The following ATG10 variants were observed in gnomAD, a reference collection of about 807,000 sequenced individuals.
The protein encoded by ATG10 is ubiquitin-like-conjugating enzyme ATG10.
A neutral mutation model predicts 32.1 loss-of-function variants in ATG10; 30 were observed. The observed-to-expected ratio is 0.94, with a 90% CI of 0.70 to 1.27. The LOEUF is 1.27. ATG10 is among the 50% of genes most tolerant of loss of function. The probability of loss-of-function intolerance (pLI) is 0.00; values close to 1 mark genes in which losing one functional copy is unlikely to be tolerated. For synonymous variants in ATG10, 87 were observed against 91.5 expected (o/e 0.95, Z 0.28); for missense variants, 233 against 262.3 (o/e 0.89, Z 0.77).
chr5:82,129,364 A>G (rs1486073206), intron 3 of ATG10, among the ~76,000 whole-genome samples: 2 of 151,862 alleles, frequency 1.3e-5, no homozygotes, highest in Non-Finnish European at 2.9e-5. Flanking sequence ...AACTCATTCC[A>G]TGTCCAGTTA....
chr5:82,237,612 C>T (rs564449004), intron 5 of ATG10, among the ~76,000 whole-genome samples: 11 of 151,434 alleles, frequency 7.3e-5, no homozygotes, highest in South Asian at 2.1e-4. Flanking sequence ...CATTGCACTC[C>T]GGCCTGGATG....
intron 1 of ATG10, among the ~76,000 whole-genome samples, chr5:81,977,324 A>G (rs1231722004): frequency 6.6e-6 from 1 of 152,198 alleles, no homozygotes; most frequent in South Asian, 2.1e-4. Context: ...CCTACTTCCC[A>G]GTATTTCTCA....
chr5:82,001,086 G>GAGCTC (rs1290764785), intron 2 of ATG10, among the ~76,000 whole-genome samples: 2 of 152,154 alleles, frequency 1.3e-5, no homozygotes, highest in Non-Finnish European at 2.9e-5. Flanking sequence ...GGAGGTAAAT[G>GAGCTC]AGCTCTACCA....
chr5:82,055,304 T>TA (rs1286230530), intron 2 of ATG10, among the ~76,000 whole-genome samples: 1 of 151,990 alleles, frequency 6.6e-6, no homozygotes, highest in Non-Finnish European at 1.5e-5. Flanking sequence ...GTATCGATAA[T>TA]AAAAAAATGG....
intron 3 of ATG10, among the ~76,000 whole-genome samples, chr5:82,077,215 C>G (rs891986337): frequency 2.0e-5 from 3 of 152,002 alleles, no homozygotes; most frequent in African/African-American, 7.2e-5. Flanking sequence ...CCCAGCTACA[C>G]GAGAGGCTGA....
Position 82,253,349 on chromosome 5 carries a change from T to C in ATG10, c.587T>C (p.Val196Ala), listed in dbSNP as rs145758508. ...TATATCACATCATGGCTGAGCATTGTAGGGCCAGTTGTTGGGCTGAATCTA... is the reference window on the plus strand; with the variant it reads ...TATATCACATCATGGCTGAGCATTGCAGGGCCAGTTGTTGGGCTGAATCTA... Reference protein sequence around the residue: ...VNYITSWLSIVGPVVGLNLPL... With the variant: ...VNYITSWLSIAGPVVGLNLPL... Residue 196 changes from valine (V) to alanine (A), a missense_variant, in exon 7 of 8, where the codon GTA becomes GCA. Coordinates refer to ENST00000282185, the MANE Select transcript of ATG10 (RefSeq NM_031482.5). 3.1e-6 allele frequency: 5 copies of C among 1,613,392 alleles called. No individual in the cohort carries two copies. Among genetic ancestry groups the C allele is most frequent in the Non-Finnish European group, 3.4e-6 (4 of 1,179,262 alleles).
intron 3 of ATG10, among the ~76,000 whole-genome samples, chr5:82,085,645 AAAAG>A (rs1055599742): frequency 1.5e-4 from 23 of 152,138 alleles, no homozygotes; most frequent in Admixed American, 1.5e-3. Context: ...TAACAAAAAA[AAAAG>A]AAAATTAAAA....
intron 3 of ATG10, among the ~76,000 whole-genome samples, chr5:82,148,388 C>G (rs2149876583): frequency 6.6e-6 from 1 of 152,246 alleles, no homozygotes; most frequent in South Asian, 2.1e-4. Context: ...ACTTCTGTCT[C>G]AGGAGAAGCA....
intron 2 of ATG10, among the ~76,000 whole-genome samples, chr5:82,000,519 G>T (rs764226495): frequency 6.6e-6 from 1 of 152,172 alleles, no homozygotes; most frequent in Non-Finnish European, 1.5e-5. Context: ...AAGAGAGGAA[G>T]TTGAACTATT....
In ATG10 at chr5:82,144,135, T is replaced by C. The variant is rs1767254898; in HGVS notation, c.217-20264T>C. Among the ~76,000 whole-genome samples, 4 of 152,254 alleles carry C rather than the reference T, an allele frequency of 2.6e-5. No individual in the cohort carries two copies. The South Asian group carries it at 8.3e-4, about 32-fold the overall frequency. On this transcript the variant is annotated intron_variant, in intron 3 of 7. Transcript: ENST00000282185. ...GTGTACATTATTTATAATGTTTTCT[T>C]ATTATCCTTTTAGTGTTTATAGCAT...
At position 82,249,268 on chromosome 5, in the gene ATG10, A is replaced by G. The variant is rs930451260; in HGVS notation, c.454-3294A>G. 5.6e-4 allele frequency among the ~76,000 whole-genome samples: 85 copies of G among 152,198 alleles called. 1 individual carries two copies. Among genetic ancestry groups the G allele is most frequent in the African/African-American group, 2.0e-3 (82 of 41,470 alleles). Reference sequence around the variant, plus strand: ...ATATAGTGATAGTTCTAGTTGCCATATAGACCTAGACCTTTTACTAATTCA... The same window carrying G: ...ATATAGTGATAGTTCTAGTTGCCATGTAGACCTAGACCTTTTACTAATTCA... On this transcript the variant is annotated intron_variant, in intron 5 of 7. Transcript: ENST00000282185.
intron 3 of ATG10, 152 bp downstream of exon 3, chr5:82,058,754 T>A: frequency 1.9e-6 from 1 of 526,902 alleles, no homozygotes; most frequent in Non-Finnish European, 3.3e-6. Flanking sequence ...TTCTGTTAAG[T>A]AAATATTTTA....
At chr5:82,101,229 G>A (rs1408091895) in intron 3 of ATG10, among the ~76,000 whole-genome samples, 2 of 152,084 alleles carry the variant, frequency 1.3e-5, no homozygotes, top group African/African-American at 4.8e-5. Flanking sequence ...AAGTCACTGA[G>A]TACTCCGACT....
intron 3 of ATG10, among the ~76,000 whole-genome samples, chr5:82,125,591 T>C (rs1247485300): frequency 1.3e-5 from 2 of 152,138 alleles, no homozygotes; most frequent in Admixed American, 6.5e-5. Context: ...TGTAGATGTG[T>C]GGTGTTATTT....
chr5:82,249,808 A>T (rs1353033718), intron 5 of ATG10, among the ~76,000 whole-genome samples: 4 of 152,252 alleles, frequency 2.6e-5, no homozygotes, highest in Non-Finnish European at 1.5e-5. Flanking sequence ...ACAAAGCAGC[A>T]TCAAATGAGC....
chr5:81,979,324 G>T (rs1033502062), intron 1 of ATG10, among the ~76,000 whole-genome samples: 6 of 152,122 alleles, frequency 3.9e-5, no homozygotes, highest in Non-Finnish European at 7.4e-5. Context: ...TCAGGAGATC[G>T]AGACCATCCT....
At chr5:82,200,208 C>T (rs1485186166) in intron 5 of ATG10, among the ~76,000 whole-genome samples, 1 of 151,974 alleles carries the variant, frequency 6.6e-6, no homozygotes, top group African/African-American at 2.4e-5. Flanking sequence ...GACTATTTTG[C>T]AAAGCATTGG....
chr5:82,144,781 C>T (rs1767280923), intron 3 of ATG10, among the ~76,000 whole-genome samples: 1 of 152,002 alleles, frequency 6.6e-6, no homozygotes, highest in Non-Finnish European at 1.5e-5. Flanking sequence ...TAATATTCTA[C>T]AGTTTTGGAG....
chr5:82,180,835 G>T (rs1053589274), intron 5 of ATG10, among the ~76,000 whole-genome samples: 1 of 151,952 alleles, frequency 6.6e-6, no homozygotes, highest in African/African-American at 2.4e-5. Flanking sequence ...CCTGTATATA[G>T]CACAATTTCT....
Sources: gnomAD v4.1 joint callset for allele counts (sites outside exome capture counted in the v4.1 genomes callset) on GRCh38, gnomAD v4.1.1 for gene constraint, MANE v1.5 for transcripts, NCBI Gene and HGNC (gene_info 2026-07-23, HGNC 2026-07-21) for gene names.